USP14: variants seen among roughly 807,000 people sequenced by gnomAD.
USP14 encodes the protein ubiquitin specific peptidase 14.
USP14 carries 38 observed loss-of-function variants against 76.5 expected under a neutral mutation model. The ratio of observed to expected loss-of-function variants is 0.50; its 90% CI spans 0.38 to 0.65. USP14 has a LOEUF of 0.65. Ranked by LOEUF, USP14 falls within the 30% of genes least tolerant of loss-of-function variation. The probability of loss-of-function intolerance (pLI) is 0.00; values close to 1 mark genes in which losing one functional copy is unlikely to be tolerated. For missense variants in USP14, 467 were observed against 586.5 expected (o/e 0.80, Z 2.10); for synonymous variants, 192 against 191.7 (o/e 1.00, Z -0.01).
intron 10 of USP14, among the ~76,000 whole-genome samples, chr18:200,754 C>T (rs1247117281): frequency 6.6e-6 from 1 of 152,072 alleles, no homozygotes; most frequent in African/African-American, 2.4e-5. Context: ...TGTGATTCCA[C>T]TTCAAAAGCA....
rs1015246596 is a variant in USP14 at position 214,318 on chromosome 18, A to C, written c.*3034A>C. 26 of 230,332 alleles carry C rather than the reference A, an allele frequency of 1.1e-4. No homozygotes were observed. The highest frequency in any genetic ancestry group is 1.9e-4 in the Non-Finnish European group (22 of 118,234). The allele number at this position is 230,332 out of a possible 1,614,324, so 14.3% of individuals were successfully genotyped here. A position where few individuals can be genotyped will look rare whatever the true frequency, so the allele number is the denominator to read the frequency against. On this transcript the variant is annotated 3_prime_UTR_variant, in exon 16 of 16. Transcript: ENST00000261601. ...ACTACTAACAAACAACACACAGGAA[A>C]CTAATTTGGTATAAGAAACGACATA... is the stretch of plus-strand genomic sequence containing the variant.
In USP14 at chr18:213,400, C is replaced by CAAAG. The variant is rs538800250; in HGVS notation, c.*2119_*2122dup. 4 of 151,690 alleles carry CAAAG rather than the reference C, an allele frequency of 2.6e-5. No individual in the cohort carries two copies. The South Asian group carries it at 6.3e-4, about 24-fold the overall frequency. The allele number at this position is 151,690 out of a possible 1,614,324, so 9.4% of individuals were successfully genotyped here. A position where few individuals can be genotyped will look rare whatever the true frequency, so the allele number is the denominator to read the frequency against. On this transcript the variant is annotated 3_prime_UTR_variant, in exon 16 of 16. Transcript: ENST00000261601. ...TATTTGATCTAAAAAAGCATTATTC[C>CAAAG]AAAGAATTTTTTCAAGTAGAAATGG...
chr18:198,441 G>C (rs779617168), intron 9 of USP14, among the ~76,000 whole-genome samples: 44 of 152,080 alleles, frequency 2.9e-4, no homozygotes, highest in Admixed American at 2.1e-3. Flanking sequence ...TCACCCTCTT[G>C]GTCAGGCTGG....
chr18:210,480 G>A lies in USP14; in HGVS notation c.1320G>A (p.Val440=). The A allele has an allele frequency of 6.2e-7, 1 of 1,603,686 alleles. No homozygotes were observed. The highest frequency in any genetic ancestry group is 8.5e-7 in the Non-Finnish European group (1 of 1,172,866). The stretch of plus-strand genomic sequence containing the variant: ...CTTCAGGTCATTATGTATCATGGGT[G>A]AAAAGGAAACAAGGTAAAGGGTATT... ...SSSSGHYVSW[V]KRKQDEWIKF... Residue 440 remains valine, a synonymous_variant, in exon 15 of 16, where the codon GTG becomes GTA. Transcript: ENST00000261601.
Position 210,493 on chromosome 18 carries a change from G to C in USP14, c.1333G>C (p.Asp445His). ...TGTATCATGGGTGAAAAGGAAACAA[G>C]GTAAAGGGTATTCTTTTTTCAACTG... Reference protein sequence around the residue: ...HYVSWVKRKQDEWIKFDDDKV... With the variant: ...HYVSWVKRKQHEWIKFDDDKV... The change falls in exon 15 of 16, where the codon GAT (aspartate) becomes CAT (histidine). Residue 445 changes from aspartate to histidine, a missense_variant and splice_region_variant. Transcript: ENST00000261601. 1 of 1,567,948 alleles carries C rather than the reference G, an allele frequency of 6.4e-7. No individual in the cohort carries two copies. The highest frequency in any genetic ancestry group is 8.7e-7 in the Non-Finnish European group (1 of 1,147,820).
intron 2 of USP14, among the ~76,000 whole-genome samples, chr18:165,064 T>G (rs1909230417): frequency 1.3e-5 from 2 of 152,258 alleles, no homozygotes; most frequent in South Asian, 4.1e-4. Context: ...CTGTCCTGCC[T>G]CAGTCTCCCG....
intron 14 of USP14, 174 bp downstream of exon 14, chr18:210,205 A>G (rs1910633280): frequency 1.3e-5 from 9 of 692,760 alleles, no homozygotes; most frequent in Admixed American, 3.3e-5. Context: ...ATACAGTTCT[A>G]TGAGTAAGTT....
At chr18:206,385 A>G (rs527344448) in intron 13 of USP14, among the ~76,000 whole-genome samples, 19 of 151,276 alleles carry the variant, frequency 1.3e-4, no homozygotes, top group African/African-American at 4.6e-4. Flanking sequence ...TCTTTTCCCT[A>G]TTTTCTAATT....
At position 204,609 on chromosome 18, in the gene USP14, C is replaced by G; in HGVS notation, c.1081C>G (p.Pro361Ala). The change falls in exon 13 of 16, where the codon CCA becomes GCA. Residue 361 changes from proline (P) to alanine (A), a missense_variant. Coordinates refer to ENST00000261601, the MANE Select transcript of USP14 (RefSeq NM_005151.4). ...GTTGGATATGTATGAACTGTGTACA[C>G]CAGAACTTCAAGAGAAAATGGTGTC... ...LMLDMYELCT[P>A]ELQEKMVSFR... is the part of the protein sequence containing the mutation. The G allele has an allele frequency of 6.2e-7, 1 of 1,613,012 alleles. No homozygotes were observed. Among genetic ancestry groups the G allele is most frequent in the Non-Finnish European group, 8.5e-7 (1 of 1,179,596 alleles).
intron 5 of USP14, among the ~76,000 whole-genome samples, chr18:182,225 G>A (rs1384903690): frequency 2.0e-5 from 3 of 152,224 alleles, no homozygotes; most frequent in East Asian, 1.9e-4. Context: ...CCTTTCTTCC[G>A]GTGAGTATAA....
chr18:204,830 A>G (rs1319270814), intron 13 of USP14, 138 bp downstream of exon 13: 5 of 889,174 alleles, frequency 5.6e-6, no homozygotes, highest in East Asian at 5.5e-5. Context: ...ATCAATCTGT[A>G]TTACAATTAG....
At chr18:193,010 C>A in intron 6 of USP14, 110 bp downstream of exon 6, 1 of 782,370 alleles carries the variant, frequency 1.3e-6, no homozygotes, top group Non-Finnish European at 2.0e-6. Context: ...CCTCATTAAG[C>A]CTGGAGTGTA....
In USP14 at chr18:158,564, A is replaced by G; in HGVS notation, c.-135A>G. The G allele has an allele frequency of 2.3e-6, 2 of 853,716 alleles. No individual in the cohort carries two copies. The highest frequency in any genetic ancestry group is 1.7e-5 in the South Asian group (1 of 58,106). 52.9% of individuals were successfully genotyped at this position (853,716 alleles called of 1,614,324 possible). On this transcript the variant is annotated 5_prime_UTR_variant, in exon 1 of 16. Transcript: ENST00000261601. Reference sequence around the variant, plus strand: ...ATCGCCAGTGGCCGGTTTGAATGAGACTCGTCGCACCGAAGCCGCCGCCAC... The same window carrying G: ...ATCGCCAGTGGCCGGTTTGAATGAGGCTCGTCGCACCGAAGCCGCCGCCAC...
chr18:162,663 A>G (rs1161185738), intron 1 of USP14, among the ~76,000 whole-genome samples: 4 of 152,108 alleles, frequency 2.6e-5, no homozygotes, highest in Non-Finnish European at 4.4e-5. Flanking sequence ...AATTAAACAC[A>G]TGGGGGCTGC....
intron 1 of USP14, among the ~76,000 whole-genome samples, chr18:162,623 A>G (rs546749841): frequency 6.6e-6 from 1 of 151,908 alleles, no homozygotes; most frequent in Admixed American, 6.6e-5. Context: ...CTTCTTTTCC[A>G]ATGCTGTGTG....
intron 5 of USP14, among the ~76,000 whole-genome samples, chr18:184,387 T>G (rs1909871177): frequency 6.6e-6 from 1 of 152,148 alleles, no homozygotes; most frequent in Non-Finnish European, 1.5e-5. Flanking sequence ...GAGAGGTGTT[T>G]TACAGCTGGA....
chr18:197,740 G>GT, intron 8 of USP14, 44 bp downstream of exon 8: 1 of 1,441,046 alleles, frequency 6.9e-7, no homozygotes, highest in Non-Finnish European at 9.4e-7. Context: ...GTTATACCTT[G>GT]ATTTTTTTTT....
chr18:211,342 C>A lies in USP14; in HGVS notation c.*58C>A. ...AATAAATGTTATTTGTTGATCATTT[C>A]TATAATCCAGAGCTTTAGAGGAAGA... On this transcript the variant is annotated 3_prime_UTR_variant, in exon 16 of 16. Coordinates refer to ENST00000261601, the MANE Select transcript of USP14 (RefSeq NM_005151.4). The A allele has an allele frequency of 6.5e-7, 1 of 1,542,540 alleles. No homozygotes were observed. The highest frequency in any genetic ancestry group is 8.8e-7 in the Non-Finnish European group (1 of 1,135,990).
At chr18:205,328 A>G (rs1206651666) in intron 13 of USP14, among the ~76,000 whole-genome samples, 1 of 152,184 alleles carries the variant, frequency 6.6e-6, no homozygotes. Context: ...GTAAAACCTT[A>G]CCTAGTGTTG....
Sources: allele counts gnomAD v4.1 joint callset (sites outside exome capture counted in the v4.1 genomes callset), GRCh38; gene constraint gnomAD v4.1.1; transcripts MANE v1.5; gene names NCBI Gene and HGNC (gene_info 2026-07-23, HGNC 2026-07-21).